HNF4G: variants seen among roughly 807,000 people sequenced by gnomAD.
The protein encoded by HNF4G is hepatocyte nuclear factor 4 gamma.
Under a neutral mutation model 50.9 loss-of-function variants are expected in HNF4G, and 21 were observed. The observed-to-expected ratio is 0.41, with a 90% CI of 0.29 to 0.59. HNF4G has a LOEUF of 0.59. Ranked by LOEUF, HNF4G falls within the 20% of genes least tolerant of loss-of-function variation. The pLI, the probability that HNF4G is intolerant of heterozygous loss-of-function variation, is 0.26. For synonymous variants in HNF4G, 198 were observed against 185.6 expected (o/e 1.07, Z -0.54); for missense variants, 527 against 559.4 (o/e 0.94, Z 0.58).
intron 1 of HNF4G, among the ~76,000 whole-genome samples, chr8:75,451,025 AT>A (rs1295123447): frequency 7.9e-5 from 12 of 152,226 alleles, no homozygotes; most frequent in African/African-American, 2.9e-4. Context: ...AACTTTCTTT[AT>A]AAATTATCAA....
At chr8:75,449,819 A>AT (rs569709615) in intron 1 of HNF4G, among the ~76,000 whole-genome samples, 87 of 152,216 alleles carry the variant, frequency 5.7e-4, no homozygotes, top group Admixed American at 1.0e-3. Flanking sequence ...TCTCAATAAT[A>AT]TTTTTTGTTG....
chr8:75,471,354 A>G (rs1019516360), intron 1 of HNF4G, among the ~76,000 whole-genome samples: 3 of 152,196 alleles, frequency 2.0e-5, no homozygotes, highest in African/African-American at 7.2e-5. Context: ...TTTCTGCAGT[A>G]TATCTAAGCA....
chr8:75,451,777 G>C (rs1459218465), intron 1 of HNF4G, among the ~76,000 whole-genome samples: 4 of 152,188 alleles, frequency 2.6e-5, no homozygotes, highest in African/African-American at 9.7e-5. Flanking sequence ...CAAGTAGTGT[G>C]ATGCCTCCAG....
At chr8:75,414,737 A>AT (rs1306936470) in intron 1 of HNF4G, among the ~76,000 whole-genome samples, 2 of 152,080 alleles carry the variant, frequency 1.3e-5, no homozygotes, top group African/African-American at 4.8e-5. Context: ...TTTTAAAAAT[A>AT]TTTTTTGCTA....
chr8:75,477,254 C>T (rs968260847), intron 1 of HNF4G, among the ~76,000 whole-genome samples: 12 of 152,162 alleles, frequency 7.9e-5, no homozygotes, highest in African/African-American at 2.9e-4. Context: ...TGGTCAGAGC[C>T]TACCATTAAA....
intron 1 of HNF4G, among the ~76,000 whole-genome samples, chr8:75,467,444 G>A (rs1443044887): frequency 1.3e-5 from 2 of 152,136 alleles, no homozygotes; most frequent in South Asian, 2.1e-4. Context: ...GGCAGATCAC[G>A]AGGTCAGGAG....
rs751784912 is a variant in HNF4G at position 75,547,723 on chromosome 8, G to A, written c.382+42G>A. 43 of 1,184,812 alleles carry A rather than the reference G, an allele frequency of 3.6e-5. 2 individuals carry two copies. In the Admixed American group the frequency reaches 7.3e-4, roughly 20 times the overall value. The allele number at this position is 1,184,812 out of a possible 1,614,324, so 73.4% of individuals were successfully genotyped here. A position where few individuals can be genotyped will look rare whatever the true frequency, so the allele number is the denominator to read the frequency against. On this transcript the variant is annotated intron_variant, in intron 3 of 9. Coordinates refer to ENST00000396423, the MANE Select transcript of HNF4G (RefSeq NM_004133.5). ...TGATAATTAACATTATTGATGAAAA[G>A]TGATAAACATACACACACATTCTCA...
At chr8:75,461,758 C>A (rs956132037) in intron 1 of HNF4G, among the ~76,000 whole-genome samples, 12 of 151,458 alleles carry the variant, frequency 7.9e-5, no homozygotes, top group African/African-American at 2.9e-4. Context: ...ACATACTTAT[C>A]ATAAAGTTTA....
intron 7 of HNF4G, 37 bp downstream of exon 7, chr8:75,558,707 TA>T (rs1465355100): frequency 6.3e-7 from 1 of 1,591,700 alleles, no homozygotes; most frequent in Admixed American, 1.7e-5. Context: ...ATTAATATAA[TA>T]AAAATTGAAC....
intron 2 of HNF4G, chr8:75,495,377 G>A (rs1004542312): frequency 3.3e-5 from 5 of 151,964 alleles, no homozygotes; most frequent in Admixed American, 2.0e-4. Flanking sequence ...AGAAGACTTT[G>A]GATTACTAAC....
chr8:75,478,229 G>A (rs1363108161), intron 1 of HNF4G, among the ~76,000 whole-genome samples: 1 of 152,044 alleles, frequency 6.6e-6, no homozygotes, highest in African/African-American at 2.4e-5. Context: ...TGGGAGGATC[G>A]CTTGAGCCCA....
chr8:75,533,233 G>T (rs1314795856), intron 2 of HNF4G, among the ~76,000 whole-genome samples: 1 of 152,010 alleles, frequency 6.6e-6, no homozygotes, highest in East Asian at 1.9e-4. Context: ...ATAGTAAATA[G>T]AAAATAGAAG....
intron 1 of HNF4G, among the ~76,000 whole-genome samples, chr8:75,453,874 T>C (rs946848588): frequency 6.6e-6 from 1 of 152,184 alleles, no homozygotes; most frequent in Non-Finnish European, 1.5e-5. Flanking sequence ...CCTTCCCAAA[T>C]TCATATGTTA....
At chr8:75,508,555 T>G (rs1166575132) in intron 2 of HNF4G, among the ~76,000 whole-genome samples, 1 of 152,162 alleles carries the variant, frequency 6.6e-6, no homozygotes, top group African/African-American at 2.4e-5. Context: ...TGAAACCTCG[T>G]TTTTTCAGCT....
At chr8:75,466,088 T>G (rs186219830) in intron 1 of HNF4G, among the ~76,000 whole-genome samples, 139 of 152,288 alleles carry the variant, frequency 9.1e-4, no homozygotes, top group Middle Eastern at 3.4e-3. Context: ...TTTAGTCAGT[T>G]TAAGGAAATA....
chr8:75,418,869 A>G (rs577846768), intron 1 of HNF4G, among the ~76,000 whole-genome samples: 26 of 151,988 alleles, frequency 1.7e-4, no homozygotes, highest in Non-Finnish European at 3.4e-4. Flanking sequence ...CTGGGACTAC[A>G]GGCATGAGCC....
chr8:75,434,044 G>T (rs1332037988), intron 1 of HNF4G, among the ~76,000 whole-genome samples: 2 of 131,068 alleles, frequency 1.5e-5, no homozygotes, highest in African/African-American at 5.9e-5. Flanking sequence ...TCACTCTGCC[G>T]CCAGGCTAGA....
intron 2 of HNF4G, among the ~76,000 whole-genome samples, chr8:75,502,298 T>A (rs1441373276): frequency 6.6e-6 from 1 of 152,212 alleles, no homozygotes; most frequent in African/African-American, 2.4e-5. Context: ...TGAGAGAACA[T>A]GTTTTCCCTA....
intron 1 of HNF4G, among the ~76,000 whole-genome samples, chr8:75,418,719 TCTC>T (rs1810702649): frequency 7.0e-6 from 1 of 142,076 alleles, no homozygotes; most frequent in African/African-American, 2.6e-5. Flanking sequence ...TCTCTCTCTC[TCTC>T]TTTTTTTTTT....
Sources: allele counts gnomAD v4.1 joint callset (sites outside exome capture counted in the v4.1 genomes callset), GRCh38; gene constraint gnomAD v4.1.1; transcripts MANE v1.5; gene names NCBI Gene and HGNC (gene_info 2026-07-23, HGNC 2026-07-21).